GET4: variants seen among roughly 807,000 people sequenced by gnomAD.
GET4 encodes the protein guided entry of tail-anchored proteins factor 4.
Under a neutral mutation model 40.0 loss-of-function variants are expected in GET4, and 20 were observed. The ratio of observed to expected loss-of-function variants is 0.50; its 90% CI spans 0.35 to 0.73. The LOEUF (loss-of-function observed/expected upper bound fraction) is 0.73. Among genes scored for constraint, GET4 ranks in the 30% least tolerant of loss-of-function variants. GET4 has a pLI of 0.01. For synonymous variants in GET4, 280 were observed against 194.6 expected, an observed-to-expected ratio of 1.44 and a Z score of -3.65; for missense variants, 557 against 454.0, an observed-to-expected ratio of 1.23 and a Z score of -2.06.
At chr7:893,642 G>A in intron 6 of GET4, 98 bp from the exon 7 acceptor site, 1 of 734,212 alleles carries the variant, frequency 1.4e-6, no homozygotes, top group Non-Finnish European at 2.4e-6. Flanking sequence ...GCGTGGTGGT[G>A]TGTGCAGGTG....
chr7:895,210 A>C, intron 8 of GET4, 124 bp from the exon 9 acceptor site: 1 of 582,536 alleles, frequency 1.7e-6, no homozygotes, highest in African/African-American at 1.9e-5. Context: ...GACAGTAGCG[A>C]TGTGAGGCTT....
intron 1 of GET4, chr7:878,461 A>C: frequency 2.3e-6 from 1 of 444,284 alleles, no homozygotes; most frequent in Non-Finnish European, 4.7e-6. Flanking sequence ...TCCATGGGGT[A>C]CCTTCTAAAC....
At chr7:893,488 G>C (rs887594415) in intron 6 of GET4, among the ~76,000 whole-genome samples, 1 of 115,084 alleles carries the variant, frequency 8.7e-6, no homozygotes, top group African/African-American at 2.9e-5. Flanking sequence ...GTGCAGGTGA[G>C]TGTTGGGTGC....
intron 5 of GET4, among the ~76,000 whole-genome samples, chr7:891,809 T>C (rs1442866896): frequency 3.3e-5 from 5 of 152,250 alleles, no homozygotes; most frequent in Admixed American, 6.5e-5. Flanking sequence ...GCTCCCTGGC[T>C]CTGCGCTACG....
rs563100147 is a variant in GET4, at chr7:885,251, T to C, written c.156-805T>C. On this transcript the variant is annotated intron_variant, in intron 1 of 8. Coordinates refer to ENST00000265857, the MANE Select transcript of GET4 (RefSeq NM_015949.3). ...GTGTAGCCAATGAAATAACATGTTC[T>C]GGGCCCCACCACTGGACTGGGAGGT... is the stretch of plus-strand genomic sequence containing the variant. 2.6e-5 allele frequency: 4 copies of C among 152,400 alleles called. No individual in the cohort carries two copies. The South Asian group carries it at 8.3e-4, about 32-fold the overall frequency. 9.4% of individuals were successfully genotyped at this position (152,400 alleles called of 1,614,324 possible).
chr7:879,754 T>G (rs1355271968), intron 1 of GET4: 1 of 152,232 alleles, frequency 6.6e-6, no homozygotes, highest in Non-Finnish European at 1.5e-5. Flanking sequence ...ACTACTAATT[T>G]TATCTCTGGA....
chr7:888,389 C>T (rs538268725), intron 4 of GET4, among the ~76,000 whole-genome samples: 1 of 152,330 alleles, frequency 6.6e-6, no homozygotes, highest in East Asian at 1.9e-4. Context: ...GCCCATCCGA[C>T]CTCCGACCTT....
chr7:895,135 A>G (rs917027873), intron 8 of GET4, among the ~76,000 whole-genome samples, 199 bp from the exon 9 acceptor site: 5 of 150,220 alleles, frequency 3.3e-5, no homozygotes, highest in African/African-American at 9.8e-5. Flanking sequence ...TCCATGTTTG[A>G]GTATCTCTGT....
At chr7:890,605 G>C (rs1844299015) in intron 4 of GET4, among the ~76,000 whole-genome samples, 2 of 152,122 alleles carry the variant, frequency 1.3e-5, no homozygotes, top group South Asian at 4.1e-4. Context: ...GTTGCTTCTG[G>C]TAGGTGAGAA....
chr7:891,213 C>T, intron 5 of GET4, 147 bp downstream of exon 5: 1 of 610,106 alleles, frequency 1.6e-6, no homozygotes, highest in Admixed American at 3.5e-5. Flanking sequence ...ACTTGTCAGC[C>T]TGACCCATGA....
chr7:876,619 G>A lies in GET4; in HGVS notation c.-27G>A. On this transcript the variant is annotated 5_prime_UTR_variant, in exon 1 of 9. Transcript: ENST00000265857. The stretch of plus-strand genomic sequence containing the variant: ...CGCTGCCGACCGCGCCTGCGACAGC[G>A]TCAGCCCTGCGCGGAGCGCCGGCCC... The A allele has an allele frequency of 6.7e-6, 8 of 1,198,176 alleles. No individual in the cohort carries two copies. Among genetic ancestry groups the A allele is most frequent in the Non-Finnish European group, 8.3e-6 (8 of 962,574 alleles). The allele number at this position is 1,198,176 out of a possible 1,614,324, so 74.2% of individuals were successfully genotyped here. A position where few individuals can be genotyped will look rare whatever the true frequency, so the allele number is the denominator to read the frequency against.
At chr7:893,640 G>T in intron 6 of GET4, 100 bp from the exon 7 acceptor site, 1 of 726,510 alleles carries the variant, frequency 1.4e-6, no homozygotes, top group Non-Finnish European at 2.4e-6. Context: ...GGGCGTGGTG[G>T]TGTGTGCAGG....
intron 4 of GET4, 78 bp from the exon 5 acceptor site, chr7:890,850 A>C: frequency 8.5e-7 from 1 of 1,179,832 alleles, no homozygotes; most frequent in Non-Finnish European, 1.3e-6. Context: ...TAGAATTAAC[A>C]TGGAGTGTCT....
chr7:892,662 G>A (rs923645803), intron 6 of GET4, among the ~76,000 whole-genome samples: 1 of 147,422 alleles, frequency 6.8e-6, no homozygotes, highest in African/African-American at 2.5e-5. Context: ...GACATGGCGT[G>A]GGGGAGTGTA....
intron 4 of GET4, among the ~76,000 whole-genome samples, chr7:888,857 G>C (rs986813998): frequency 6.6e-6 from 1 of 152,256 alleles, no homozygotes; most frequent in South Asian, 2.1e-4. Context: ...GCCAGGTTAG[G>C]GAGGCAGGAG....
rs1426197582 is a variant in GET4 at position 893,805 on chromosome 7, T to C, written c.812T>C (p.Met271Thr). The change falls in exon 7 of 9, where the codon ATG becomes ACG. Residue 271 changes from methionine (M) to threonine (T), a missense_variant. Met to Thr is a moderately conservative substitution (Grantham distance 81). Coordinates refer to ENST00000265857, the MANE Select transcript of GET4 (RefSeq NM_015949.3). ...QYQPSLRRDP[M>T]YNEYLDRIGQ... is the part of the protein sequence containing the mutation. Reference sequence around the variant, plus strand: ...CAGCCATCCCTCCGGCGGGACCCCATGTACAACGAGGTGAGAGCTTGGGGC... The same window carrying C: ...CAGCCATCCCTCCGGCGGGACCCCACGTACAACGAGGTGAGAGCTTGGGGC... 15 of 1,610,676 alleles carry C rather than the reference T, an allele frequency of 9.3e-6. No individual in the cohort carries two copies. The highest frequency in any genetic ancestry group is 4.5e-5 in the East Asian group (2 of 44,888).
At chr7:878,240 G>A in intron 1 of GET4, 1 of 470,860 alleles carries the variant, frequency 2.1e-6, no homozygotes, top group Non-Finnish European at 4.4e-6. Flanking sequence ...GTTCCAGGCT[G>A]CTGCGTGGCT....
At chr7:895,107 G>A (rs558115243) in intron 8 of GET4, among the ~76,000 whole-genome samples, 3 of 151,944 alleles carry the variant, frequency 2.0e-5, no homozygotes, top group South Asian at 2.1e-4. Flanking sequence ...GCCGTTCTGT[G>A]GAGTCCCCCG....
chr7:877,580 C>T (rs2128625901), intron 1 of GET4, among the ~76,000 whole-genome samples: 1 of 132,534 alleles, frequency 7.5e-6, no homozygotes, highest in South Asian at 2.7e-4. Context: ...TTTCGGCTTC[C>T]CTCTCCTAGC....
Sources: gnomAD v4.1 joint callset for allele counts (sites outside exome capture counted in the v4.1 genomes callset) on GRCh38, gnomAD v4.1.1 for gene constraint, MANE v1.5 for transcripts, NCBI Gene and HGNC (gene_info 2026-07-23, HGNC 2026-07-21) for gene names.